TNRC6C: variants seen among roughly 807,000 people sequenced by gnomAD.
TNRC6C encodes trinucleotide repeat containing adaptor 6C.
Under a neutral mutation model 153.7 loss-of-function variants are expected in TNRC6C, and 20 were observed. The observed-to-expected ratio is 0.13, with a 90% confidence interval of 0.09 to 0.19. The LOEUF (loss-of-function observed/expected upper bound fraction) is 0.19, where lower values mean the gene tolerates loss of function less well. Among genes scored for constraint, TNRC6C ranks in the 10% least tolerant of loss-of-function variants. The pLI is 1.00. For synonymous variants in TNRC6C, 811 were observed against 841.4 expected (o/e 0.96, Z 0.63); for missense variants, 1,987 against 2,172.0 (o/e 0.91, Z 1.69).
intron 3 of TNRC6C, among the ~76,000 whole-genome samples, chr17:78,054,565 C>T (rs988624068): frequency 2.6e-4 from 39 of 151,582 alleles, no homozygotes; most frequent in Admixed American, 6.6e-4. Flanking sequence ...TGGACTACTG[C>T]GCACCACTGC....
intron 1 of TNRC6C, among the ~76,000 whole-genome samples, chr17:77,962,326 G>T (rs974368123): frequency 6.6e-6 from 1 of 152,202 alleles, no homozygotes; most frequent in East Asian, 1.9e-4. Flanking sequence ...GCATGCTTAT[G>T]CTTTGGATGA....
chr17:78,102,645 G>A (rs910786812), intron 18 of TNRC6C, 101 bp downstream of exon 21: 8 of 1,269,052 alleles, frequency 6.3e-6, no homozygotes, highest in Non-Finnish European at 7.7e-6. Context: ...GATAGTTGGG[G>A]GTTCTTGGTC....
At chr17:78,084,992 G>A (rs758621340) in intron 11 of TNRC6C, among the ~76,000 whole-genome samples, 39 of 152,300 alleles carry the variant, frequency 2.6e-4, no homozygotes, top group Non-Finnish European at 2.2e-4. Flanking sequence ...TCGCTGTGGG[G>A]AGGCAGTGCA....
rs1312420916 is a variant in TNRC6C at position 78,048,786 on chromosome 17, T to G, written c.-218-59T>G. The G allele has an allele frequency of 3.3e-6, 4 of 1,229,264 alleles. No individual in the cohort carries two copies. The African/African-American group carries it at 6.2e-5, about 19-fold the overall frequency. 76.1% of individuals were successfully genotyped at this position (1,229,264 alleles called of 1,614,324 possible). On this transcript the variant is annotated intron_variant, in intron 2 of 19. Coordinates refer to ENST00000301624, the Ensembl canonical transcript of TNRC6C. ...AGCTTCCCCAAAGACTAGTTAACAG[T>G]TGATTCATTGACAAATGAGTAGAAA...
intron 1 of TNRC6C, among the ~76,000 whole-genome samples, chr17:78,028,461 T>TA (rs1211075063): frequency 1.3e-5 from 2 of 151,950 alleles, no homozygotes; most frequent in African/African-American, 4.9e-5. Context: ...TCTTGAGAGA[T>TA]ACTTAGCAAC....
chr17:77,961,642 C>T (rs2070863658), intron 1 of TNRC6C, among the ~76,000 whole-genome samples: 1 of 151,996 alleles, frequency 6.6e-6, no homozygotes, highest in South Asian at 2.1e-4. Flanking sequence ...GGGTGGGTTT[C>T]GAGTAGCATA....
intron 1 of TNRC6C, among the ~76,000 whole-genome samples, chr17:77,974,986 TA>T (rs1193377270): frequency 6.7e-6 from 1 of 149,954 alleles, no homozygotes; most frequent in Non-Finnish European, 1.5e-5. Context: ...CAAACATCTT[TA>T]AAATGTATCT....
intron 3 of TNRC6C, among the ~76,000 whole-genome samples, chr17:78,054,328 GACTACTGCAC>G (rs1164539660): frequency 3.3e-5 from 5 of 152,068 alleles, no homozygotes; most frequent in South Asian, 2.1e-4. Context: ...CACCACTGCA[GACTACTGCAC>G]ACTACTGCAG....
At chr17:78,081,615 G>A (rs563936657) in intron 10 of TNRC6C, among the ~76,000 whole-genome samples, 1 of 152,242 alleles carries the variant, frequency 6.6e-6, no homozygotes, top group South Asian at 2.1e-4. Context: ...AGGGATCGGG[G>A]GTGACTCTGC....
rs1468055278 is a variant in TNRC6C at position 78,077,166 on chromosome 17, C to G, written c.3061-19C>G. 1 of 1,595,068 alleles carries G rather than the reference C, an allele frequency of 6.3e-7. No homozygotes were observed. Among genetic ancestry groups the G allele is most frequent in the Non-Finnish European group, 8.5e-7 (1 of 1,171,732 alleles). On this transcript the variant is annotated intron_variant, in intron 8 of 19. Transcript: ENST00000301624. ...CTGATGGACACTGCACACAGCTCAC[C>G]CTTTCTTTCTCCAATCAGGATGGCG...
intron 3 of TNRC6C, 34 bp downstream of exon 5, chr17:78,051,482 A>T (rs1185954341): frequency 3.8e-5 from 13 of 345,198 alleles, no homozygotes; most frequent in South Asian, 3.7e-4. Context: ...TTTACAAGTA[A>T]AAAAAAAAAA....
intron 1 of TNRC6C, among the ~76,000 whole-genome samples, chr17:77,987,051 G>T (rs1036548764): frequency 6.6e-6 from 1 of 152,114 alleles, no homozygotes; most frequent in African/African-American, 2.4e-5. Context: ...TTAAAACTTG[G>T]TGAATGCCAA....
At chr17:78,014,503 A>G (rs1465230704) in intron 1 of TNRC6C, among the ~76,000 whole-genome samples, 1 of 152,008 alleles carries the variant, frequency 6.6e-6, no homozygotes, top group East Asian at 1.9e-4. Context: ...TATATGATAC[A>G]TAGTACATTT....
chr17:77,958,948 A>ACCGCCG (rs1243135036), upstream of TNRC6C, among the ~76,000 whole-genome samples: 72 of 141,038 alleles, frequency 5.1e-4, no homozygotes, highest in African/African-American at 1.6e-3. Flanking sequence ...CGCAGCTGCC[A>ACCGCCG]CCGCCGCCGC....
At position 78,092,923 on chromosome 17, in the gene TNRC6C, G is replaced by T; in HGVS notation, c.3971-10G>T. 1 of 1,612,298 alleles carries T rather than the reference G, an allele frequency of 6.2e-7. No homozygotes were observed. Among genetic ancestry groups the T allele is most frequent in the Non-Finnish European group, 8.5e-7 (1 of 1,179,010 alleles). ...TTCACTCGCTTCTTTGTTTCCTATT[G>T]TCCCCATAGGTGCTATCCCTGGAGG... is the stretch of plus-strand genomic sequence containing the variant. On this transcript the variant is annotated splice_polypyrimidine_tract_variant and intron_variant, in intron 14 of 19. Transcript: ENST00000301624.
chr17:78,043,743 C>A (rs1167657469), intron 2 of TNRC6C, among the ~76,000 whole-genome samples: 3 of 152,126 alleles, frequency 2.0e-5, no homozygotes, highest in African/African-American at 7.2e-5. Flanking sequence ...CTCGCACTAC[C>A]CTTCCTAGCC....
intron 1 of TNRC6C, among the ~76,000 whole-genome samples, chr17:77,965,900 T>G (rs1237921350): frequency 6.6e-6 from 1 of 152,238 alleles, no homozygotes; most frequent in Non-Finnish European, 1.5e-5. Flanking sequence ...ATGTGGCCAT[T>G]GAACATTGTT....
chr17:78,068,266 C>A (rs2072922397), intron 5 of TNRC6C, among the ~76,000 whole-genome samples: 1 of 152,192 alleles, frequency 6.6e-6, no homozygotes, highest in South Asian at 2.1e-4. Context: ...CAGTGCCACC[C>A]TTCTCATGAA....
At chr17:78,018,089 G>A (rs1253114504) in intron 1 of TNRC6C, among the ~76,000 whole-genome samples, 1 of 152,170 alleles carries the variant, frequency 6.6e-6, no homozygotes, top group Non-Finnish European at 1.5e-5. Context: ...GGAACCATAT[G>A]TGTGTATATA....
Sources: allele counts gnomAD v4.1 joint callset (sites outside exome capture counted in the v4.1 genomes callset), GRCh38; gene constraint gnomAD v4.1.1; transcripts MANE v1.5; gene names NCBI Gene and HGNC (gene_info 2026-07-23, HGNC 2026-07-21).